Variants in GALNTL6 observed in about 807,000 individuals in gnomAD.
GALNTL6 encodes the protein polypeptide N-acetylgalactosaminyltransferase-like 6.
Under a neutral mutation model 73.7 loss-of-function variants are expected in GALNTL6, and 46 were observed. The observed-to-expected ratio is 0.62, with a 90% CI of 0.49 to 0.80. The LOEUF (loss-of-function observed/expected upper bound fraction) is 0.80. Ranked by LOEUF, GALNTL6 falls within the 30% of genes least tolerant of loss-of-function variation. GALNTL6 has a pLI of 0.00. For synonymous variants in GALNTL6, 259 were observed against 263.7 expected (o/e 0.98, Z 0.17); for missense variants, 604 against 755.0 (o/e 0.80, Z 2.34).
chr4:172,009,001 G>T (rs185454445), intron 2 of GALNTL6, among the ~76,000 whole-genome samples: 50 of 152,096 alleles, frequency 3.3e-4, no homozygotes, highest in South Asian at 1.2e-3. Flanking sequence ...GATGGAGAAA[G>T]AGAGAAAATT....
At chr4:172,174,365 A>T (rs1734926632) in intron 2 of GALNTL6, among the ~76,000 whole-genome samples, 1 of 152,142 alleles carries the variant, frequency 6.6e-6, no homozygotes, top group East Asian at 1.9e-4. Context: ...TGAAGTATAG[A>T]TCTTTTTCTT....
chr4:172,524,650 T>G (rs555316759), intron 5 of GALNTL6, among the ~76,000 whole-genome samples: 2 of 152,350 alleles, frequency 1.3e-5, no homozygotes, highest in Non-Finnish European at 2.9e-5. Context: ...CATTTCTTCA[T>G]GGGAATCATT....
chr4:172,678,929 T>A (rs1198313330), intron 5 of GALNTL6, among the ~76,000 whole-genome samples: 2 of 152,174 alleles, frequency 1.3e-5, no homozygotes, highest in African/African-American at 4.8e-5. Flanking sequence ...GTAGCCTTTT[T>A]GGAGAAAACA....
At chr4:171,848,922 T>C (rs1425737839) in intron 2 of GALNTL6, among the ~76,000 whole-genome samples, 1 of 152,010 alleles carries the variant, frequency 6.6e-6, no homozygotes, top group Non-Finnish European at 1.5e-5. Flanking sequence ...CAAGAACTTT[T>C]CCCTTTTTTT....
chr4:171,930,291 T>C (rs940678329), intron 2 of GALNTL6, among the ~76,000 whole-genome samples: 4 of 152,192 alleles, frequency 2.6e-5, no homozygotes, highest in Admixed American at 6.5e-5. Context: ...CCTAGGCCAC[T>C]TGGGTAATCG....
intron 5 of GALNTL6, among the ~76,000 whole-genome samples, chr4:172,530,856 A>G (rs958790798): frequency 1.1e-4 from 16 of 151,418 alleles, no homozygotes; most frequent in Non-Finnish European, 1.9e-4. Flanking sequence ...TCAAAGGAAA[A>G]TAAGATGTCA....
intron 5 of GALNTL6, among the ~76,000 whole-genome samples, chr4:172,587,194 A>G (rs1286650544): frequency 1.3e-5 from 2 of 152,224 alleles, no homozygotes; most frequent in Non-Finnish European, 2.9e-5. Flanking sequence ...ACTAACAGAT[A>G]TGAAGGAAAC....
chr4:171,822,756 C>G (rs567252119), intron 2 of GALNTL6, among the ~76,000 whole-genome samples: 2 of 152,082 alleles, frequency 1.3e-5, no homozygotes, highest in African/African-American at 4.8e-5. Flanking sequence ...AACCATAAAC[C>G]TGTTTTCAAT....
At chr4:171,988,151 G>A (rs902055122) in intron 2 of GALNTL6, among the ~76,000 whole-genome samples, 6 of 152,166 alleles carry the variant, frequency 3.9e-5, no homozygotes, top group African/African-American at 9.7e-5. Flanking sequence ...AAAACAGTAG[G>A]TCAAGTTGTT....
At chr4:172,227,165 C>G (rs919388201) in intron 2 of GALNTL6, among the ~76,000 whole-genome samples, 10 of 152,162 alleles carry the variant, frequency 6.6e-5, no homozygotes, top group South Asian at 4.1e-4. Flanking sequence ...CACATGGTTA[C>G]TGGGTGTGCA....
chr4:172,317,433 T>C (rs751328182), intron 4 of GALNTL6, among the ~76,000 whole-genome samples: 4 of 152,210 alleles, frequency 2.6e-5, no homozygotes, highest in Non-Finnish European at 4.4e-5. Flanking sequence ...CGTGATCTAT[T>C]CAGTTATTTC....
chr4:172,755,559 T>C (rs1737707187), intron 5 of GALNTL6, among the ~76,000 whole-genome samples: 1 of 152,206 alleles, frequency 6.6e-6, no homozygotes, highest in Non-Finnish European at 1.5e-5. Flanking sequence ...TGGAGAACCT[T>C]TTATCTTGGA....
chr4:172,254,397 A>C (rs1737998675), intron 3 of GALNTL6, among the ~76,000 whole-genome samples: 1 of 151,912 alleles, frequency 6.6e-6, no homozygotes, highest in Admixed American at 6.6e-5. Context: ...TAATGATACA[A>C]GTCGTTTTGC....
intron 5 of GALNTL6, among the ~76,000 whole-genome samples, chr4:172,603,305 A>C (rs1017931137): frequency 6.6e-6 from 1 of 152,314 alleles, no homozygotes; most frequent in Non-Finnish European, 1.5e-5. Flanking sequence ...GTCTAAACAA[A>C]ATTCTTTAGC....
chr4:172,540,349 C>T (rs765758838), intron 5 of GALNTL6, among the ~76,000 whole-genome samples: 18 of 152,060 alleles, frequency 1.2e-4, no homozygotes, highest in Admixed American at 2.6e-4. Flanking sequence ...CTGGAGCTTT[C>T]ATTTAAACTC....
intron 2 of GALNTL6, among the ~76,000 whole-genome samples, chr4:171,903,731 C>A (rs1057020519): frequency 6.6e-6 from 1 of 151,964 alleles, no homozygotes; most frequent in African/African-American, 2.4e-5. Flanking sequence ...CTTCTGCAGA[C>A]TTAAATGTCC....
At chr4:172,611,251 G>C (rs1738515732) in intron 5 of GALNTL6, among the ~76,000 whole-genome samples, 1 of 151,976 alleles carries the variant, frequency 6.6e-6, no homozygotes, top group East Asian at 1.9e-4. Flanking sequence ...ATGCAGACTT[G>C]ATTGCATAGG....
At chr4:172,024,672 G>GAACT (rs993013003) in intron 2 of GALNTL6, among the ~76,000 whole-genome samples, 82 of 151,960 alleles carry the variant, frequency 5.4e-4, no homozygotes, top group African/African-American at 1.9e-3. Flanking sequence ...TTTTGCCATA[G>GAACT]AACTGTATAG....
chr4:172,352,675 G>A (rs1741981031), intron 5 of GALNTL6, among the ~76,000 whole-genome samples: 1 of 152,130 alleles, frequency 6.6e-6, no homozygotes, highest in Admixed American at 6.5e-5. Flanking sequence ...ATGAATGCAA[G>A]TCTAAATTGA....
Sources: gnomAD v4.1 joint callset for allele counts (sites outside exome capture counted in the v4.1 genomes callset) on GRCh38, gnomAD v4.1.1 for gene constraint, MANE v1.5 for transcripts, NCBI Gene and HGNC (gene_info 2026-07-23, HGNC 2026-07-21) for gene names.